Variants in CDK19 observed in about 807,000 individuals in gnomAD.
The protein encoded by CDK19 is cyclin-dependent kinase 19.
CDK19 carries 20 observed loss-of-function variants against 68.3 expected under a neutral mutation model. The observed-to-expected ratio is 0.29, with a 90% CI of 0.21 to 0.43. The LOEUF (loss-of-function observed/expected upper bound fraction) is 0.43, where lower values mean the gene tolerates loss of function less well. CDK19 is among the 20% of genes least tolerant of loss of function. The pLI is 1.00. For synonymous variants in CDK19, 221 were observed against 222.8 expected (o/e 0.99, Z 0.07); for missense variants, 339 against 623.5 (o/e 0.54, Z 4.86).
intron 3 of CDK19, among the ~76,000 whole-genome samples, chr6:110,669,411 A>G (rs1770797304): frequency 6.6e-6 from 1 of 152,220 alleles, no homozygotes; most frequent in Non-Finnish European, 1.5e-5. Context: ...CAGGAGGTCA[A>G]AGGTGCAGTG....
intron 2 of CDK19, among the ~76,000 whole-genome samples, chr6:110,715,672 G>C (rs1271620956): frequency 6.6e-6 from 1 of 152,140 alleles, no homozygotes; most frequent in Non-Finnish European, 1.5e-5. Context: ...TTTTAGTAGG[G>C]ATGGGGTTTT....
At chr6:110,652,691 T>C (rs1321351775) in intron 4 of CDK19, among the ~76,000 whole-genome samples, 1 of 152,226 alleles carries the variant, frequency 6.6e-6, no homozygotes, top group Non-Finnish European at 1.5e-5. Flanking sequence ...TATCTCTTGA[T>C]AGAAGTTCTT....
chr6:110,663,865 C>T (rs1181963198), intron 4 of CDK19, among the ~76,000 whole-genome samples: 1 of 152,154 alleles, frequency 6.6e-6, no homozygotes, highest in East Asian at 1.9e-4. Context: ...GAGTTACTCA[C>T]TTGAGGAGTT....
At chr6:110,783,297 A>T (rs1032833506) in intron 1 of CDK19, among the ~76,000 whole-genome samples, 1 of 152,148 alleles carries the variant, frequency 6.6e-6, no homozygotes, top group Non-Finnish European at 1.5e-5. Flanking sequence ...AAGTGTTGCA[A>T]ATTTCCACAT....
intron 2 of CDK19, among the ~76,000 whole-genome samples, chr6:110,726,019 A>T (rs374346484): frequency 2.0e-5 from 3 of 152,094 alleles, no homozygotes; most frequent in Non-Finnish European, 4.4e-5. Flanking sequence ...TGTTTTCCAT[A>T]AGAAACTAGT....
chr6:110,621,892 T>G lies in CDK19; in HGVS notation c.1110+196A>C, dbSNP rs1348646493. The stretch of plus-strand genomic sequence containing the variant: ...CTGTAACACACACCGGAAGCTCAGG[T>G]ATCTGTGAGCTGGTCATACTTCAAA... On this transcript the variant is annotated intron_variant, in intron 11 of 12. Coordinates refer to ENST00000368911, the MANE Select transcript of CDK19 (RefSeq NM_015076.5). This position sits in a 1 kb window ranked among gnomAD's most constrained non-coding sequence, Gnocchi z 5.4. Among the ~76,000 whole-genome samples, 1 of 152,170 alleles carries G rather than the reference T, an allele frequency of 6.6e-6. No homozygotes were observed. Among genetic ancestry groups the G allele is most frequent in the African/African-American group, 2.4e-5 (1 of 41,436 alleles).
chr6:110,750,268 A>T (rs1287960670), intron 1 of CDK19, among the ~76,000 whole-genome samples: 1 of 121,816 alleles, frequency 8.2e-6, no homozygotes, highest in Non-Finnish European at 1.8e-5. Flanking sequence ...GATGAGTAGA[A>T]CAGAATGTTA....
intron 2 of CDK19, chr6:110,670,818 T>C (rs1008270219): frequency 9.5e-6 from 5 of 525,732 alleles, no homozygotes; most frequent in African/African-American, 5.7e-5. Context: ...GGAATGTGTT[T>C]TTAAAAATAG....
At chr6:110,813,826 A>C (rs1282060111) in intron 1 of CDK19, 2 of 152,238 alleles carry the variant, frequency 1.3e-5, no homozygotes, top group African/African-American at 4.8e-5. Context: ...GCGGCACTTC[A>C]AATTTTACTA....
At chr6:110,646,810 A>G (rs950732437) in intron 4 of CDK19, among the ~76,000 whole-genome samples, 2 of 151,756 alleles carry the variant, frequency 1.3e-5, no homozygotes, top group Non-Finnish European at 2.9e-5. Flanking sequence ...CAAACCTTGG[A>G]AGGCAGCAGT....
intron 1 of CDK19, among the ~76,000 whole-genome samples, chr6:110,765,390 GAGAAC>G (rs1779505493): frequency 6.7e-6 from 1 of 148,730 alleles, no homozygotes; most frequent in Admixed American, 6.7e-5. Context: ...ACGAAAAGAA[GAGAAC>G]AGGTCAGACG....
intron 1 of CDK19, among the ~76,000 whole-genome samples, chr6:110,806,921 T>C (rs1215688120): frequency 6.6e-6 from 1 of 151,822 alleles, no homozygotes; most frequent in Non-Finnish European, 1.5e-5. Context: ...GTGGTTGCAG[T>C]GAGCCAAGAT....
intron 1 of CDK19, among the ~76,000 whole-genome samples, chr6:110,802,694 AAAG>A (rs1278427583): frequency 6.6e-6 from 1 of 152,250 alleles, no homozygotes; most frequent in Non-Finnish European, 1.5e-5. Context: ...CTAAAATTTA[AAAG>A]AAGAAAAAAA....
chr6:110,734,352 G>A (rs1397442601), intron 2 of CDK19, among the ~76,000 whole-genome samples: 1 of 152,068 alleles, frequency 6.6e-6, no homozygotes, highest in Non-Finnish European at 1.5e-5. Context: ...CCACACATTA[G>A]TGAGGGTAAC....
chr6:110,727,614 T>A (rs1318402340), intron 2 of CDK19, among the ~76,000 whole-genome samples: 1 of 120,346 alleles, frequency 8.3e-6, no homozygotes, highest in Non-Finnish European at 1.9e-5. Flanking sequence ...TCAAGATGTC[T>A]TTTTTAAAAG....
At chr6:110,701,424 C>T (rs1316432238) in intron 2 of CDK19, among the ~76,000 whole-genome samples, 6 of 149,708 alleles carry the variant, frequency 4.0e-5, no homozygotes, top group African/African-American at 1.2e-4. Flanking sequence ...TGGTGGCGGG[C>T]GCCAGTAGTT....
chr6:110,812,277 T>C (rs1172460761), intron 1 of CDK19, among the ~76,000 whole-genome samples: 1 of 152,006 alleles, frequency 6.6e-6, no homozygotes, highest in South Asian at 2.1e-4. Flanking sequence ...CCCGCCACCA[T>C]GCCCGGCTAA....
intron 1 of CDK19, among the ~76,000 whole-genome samples, chr6:110,762,696 G>T (rs1288932107): frequency 6.6e-6 from 1 of 152,144 alleles, no homozygotes; most frequent in Non-Finnish European, 1.5e-5. Flanking sequence ...CAACAAAATT[G>T]TAAACCTTTT....
chr6:110,710,734 T>C (rs1363286493), intron 2 of CDK19, among the ~76,000 whole-genome samples: 2 of 152,176 alleles, frequency 1.3e-5, no homozygotes, highest in Admixed American at 1.3e-4. Flanking sequence ...TGTGAAGCTG[T>C]AGTGACTTAA....
Sources: allele counts gnomAD v4.1 joint callset (sites outside exome capture counted in the v4.1 genomes callset), GRCh38; gene constraint gnomAD v4.1.1; non-coding constraint Gnocchi (gnomAD v3.1); transcripts MANE v1.5; gene names NCBI Gene and HGNC (gene_info 2026-07-23, HGNC 2026-07-21).